Variants in CTNNA3 observed in about 807,000 individuals in gnomAD.
CTNNA3 encodes the protein catenin alpha-3.
Under a neutral mutation model 95.7 loss-of-function variants are expected in CTNNA3, and 76 were observed. That is an observed-to-expected ratio of 0.79 (90% confidence interval 0.66 to 0.96). The LOEUF (loss-of-function observed/expected upper bound fraction) is 0.96, where lower values mean the gene tolerates loss of function less well. CTNNA3 is among the 40% of genes least tolerant of loss of function. The probability of loss-of-function intolerance (pLI) is 0.00; values close to 1 mark genes in which losing one functional copy is unlikely to be tolerated. For synonymous variants in CTNNA3, 431 were observed against 374.4 expected (o/e 1.15, Z -1.74); for missense variants, 1,191 against 1,089.8 (o/e 1.09, Z -1.31).
chr10:67,088,387 A>AT (rs138342605), intron 7 of CTNNA3, among the ~76,000 whole-genome samples: 1 of 151,876 alleles, frequency 6.6e-6, no homozygotes, highest in Admixed American at 6.6e-5. Context: ...ATCCATATTT[A>AT]TTTTTTCTTG....
intron 5 of CTNNA3, among the ~76,000 whole-genome samples, chr10:67,331,366 A>G (rs1419581313): frequency 2.0e-5 from 3 of 152,246 alleles, no homozygotes; most frequent in African/African-American, 7.2e-5. Flanking sequence ...ACTTGCAGGC[A>G]GCAGGAAGTC....
Position 67,072,244 on chromosome 10 carries a change from A to G in CTNNA3, c.1047+108073T>C, listed in dbSNP as rs1418715865. Among the ~76,000 whole-genome samples, 16 of 152,284 alleles carry G rather than the reference A, an allele frequency of 1.1e-4. No homozygotes were observed. The South Asian group carries it at 3.1e-3, about 30-fold the overall frequency. ...GCTGGGATTATAGGCATAAGCCACC[A>G]TGCCCAACCTGTTTGATTATTTTCT... is the stretch of plus-strand genomic sequence containing the variant. On this transcript the variant is annotated intron_variant, in intron 7 of 17. Coordinates refer to ENST00000433211, the MANE Select transcript of CTNNA3 (RefSeq NM_013266.4).
rs1018695683 is a variant in CTNNA3, at chr10:65,920,152, T to C, written c.*178A>G. ...CTATTAGGTGCTGACCATACAGAAA[T>C]GACAGTGATATGATCCCAAATATAT... is the stretch of plus-strand genomic sequence containing the variant. On this transcript the variant is annotated 3_prime_UTR_variant, in exon 18 of 18. Transcript: ENST00000433211. The C allele has an allele frequency of 1.3e-5, 8 of 601,598 alleles. No homozygotes were observed. In the Admixed American group the frequency reaches 2.4e-4, roughly 18 times the overall value. The allele number at this position is 601,598 out of a possible 1,614,324, so 37.3% of individuals were successfully genotyped here.
intron 17 of CTNNA3, among the ~76,000 whole-genome samples, chr10:65,923,027 A>G (rs1212021065): frequency 6.6e-6 from 1 of 152,160 alleles, no homozygotes; most frequent in Admixed American, 6.5e-5. Flanking sequence ...AACTGCCTCC[A>G]TGATCCAGTC....
chr10:67,481,356 T>C (rs762235622), intron 5 of CTNNA3, among the ~76,000 whole-genome samples: 2 of 152,132 alleles, frequency 1.3e-5, no homozygotes, highest in Non-Finnish European at 2.9e-5. Flanking sequence ...TCACTGACAA[T>C]ATGATTCTGT....
intron 14 of CTNNA3, among the ~76,000 whole-genome samples, chr10:66,091,371 G>A (rs2081206760): frequency 6.6e-6 from 1 of 151,842 alleles, no homozygotes; most frequent in African/African-American, 2.4e-5. Flanking sequence ...TTGGATTCAA[G>A]TGCTGTATCT....
At chr10:67,683,609 A>C (rs1840669511) in intron 1 of CTNNA3, among the ~76,000 whole-genome samples, 1 of 152,188 alleles carries the variant, frequency 6.6e-6, no homozygotes, top group African/African-American at 2.4e-5. Context: ...CCTTCATCCC[A>C]ATTCTCTGCC....
intron 17 of CTNNA3, among the ~76,000 whole-genome samples, chr10:65,941,474 T>C (rs964056206): frequency 2.0e-5 from 3 of 152,198 alleles, no homozygotes; most frequent in Non-Finnish European, 4.4e-5. Context: ...CCTGGAATAT[T>C]TAAGCTACCC....
chr10:65,926,227 T>C (rs77457010), intron 17 of CTNNA3, among the ~76,000 whole-genome samples: 7,747 of 151,624 alleles, frequency 0.051, 363 homozygotes, highest in African/African-American at 0.12. Context: ...TTATCCATTC[T>C]ACTATTAATA....
chr10:67,512,076 GA>G (rs1451178479), intron 5 of CTNNA3, among the ~76,000 whole-genome samples: 1 of 151,878 alleles, frequency 6.6e-6, no homozygotes, highest in East Asian at 1.9e-4. Flanking sequence ...TCTCTAAATA[GA>G]AATTTTTCAA....
At chr10:67,712,349 GCCAAGTGTTAAGCC>G (rs553916546) in intron 1 of CTNNA3, among the ~76,000 whole-genome samples, 148 of 152,330 alleles carry the variant, frequency 9.7e-4, no homozygotes, top group African/African-American at 3.3e-3. Context: ...ATAATGAGGA[GCCAAGTGTTAAGCC>G]CCAAGACAAT....
intron 5 of CTNNA3, among the ~76,000 whole-genome samples, chr10:67,484,872 A>G (rs1848384536): frequency 6.6e-6 from 1 of 152,214 alleles, no homozygotes; most frequent in Admixed American, 6.5e-5. Flanking sequence ...GTTGGTAGGA[A>G]TGTAAATTAG....
chr10:67,120,010 A>C (rs1260823135), intron 7 of CTNNA3, among the ~76,000 whole-genome samples: 3 of 152,060 alleles, frequency 2.0e-5, no homozygotes, highest in African/African-American at 4.8e-5. Context: ...GCTCTAGATA[A>C]AGAGATTTGT....
Position 66,007,168 on chromosome 10 carries a change from A to AT in CTNNA3, c.2160-18372dup, listed in dbSNP as rs547563919. ...CAGCTAGTTTTCATGTTAATGTGTCATTTTTGCTGCTCTCAATTGATTTAC... is the reference window on the plus strand; with the variant it reads ...CAGCTAGTTTTCATGTTAATGTGTCATTTTTTGCTGCTCTCAATTGATTTAC... On this transcript the variant is annotated intron_variant, in intron 15 of 17. Transcript: ENST00000433211. 4.9e-4 allele frequency among the ~76,000 whole-genome samples: 75 copies of AT among 152,244 alleles called. 1 individual carries two copies. The Middle Eastern group carries it at 0.014, about 28-fold the overall frequency.
intron 7 of CTNNA3, among the ~76,000 whole-genome samples, chr10:66,969,259 A>C (rs1348498504): frequency 6.6e-6 from 1 of 152,152 alleles, no homozygotes; most frequent in African/African-American, 2.4e-5. Context: ...CAAATGTGAA[A>C]TGATACTGTA....
At chr10:66,255,391 A>G (rs981649814) in intron 13 of CTNNA3, among the ~76,000 whole-genome samples, 1 of 152,204 alleles carries the variant, frequency 6.6e-6, no homozygotes, top group African/African-American at 2.4e-5. Flanking sequence ...GCATTCTTAT[A>G]AAGTGGTCCC....
At chr10:66,894,943 G>T (rs956776459) in intron 7 of CTNNA3, among the ~76,000 whole-genome samples, 6 of 147,836 alleles carry the variant, frequency 4.1e-5, no homozygotes, top group Non-Finnish European at 8.9e-5. Context: ...TTTAGAAAAT[G>T]ATCAGAGCAT....
chr10:67,556,263 C>T (rs1225018698), intron 3 of CTNNA3, among the ~76,000 whole-genome samples: 1 of 152,122 alleles, frequency 6.6e-6, no homozygotes, highest in East Asian at 1.9e-4. Context: ...ATGATGCTGG[C>T]CTCATAAAAT....
chr10:67,241,527 T>G (rs7078205), intron 5 of CTNNA3, among the ~76,000 whole-genome samples: 47,077 of 152,040 alleles, frequency 0.31, 10,196 homozygotes, highest in African/African-American at 0.61. Flanking sequence ...AATAAATATT[T>G]TTATCCTTGC....
Sources: gnomAD v4.1 joint callset for allele counts (sites outside exome capture counted in the v4.1 genomes callset) on GRCh38, gnomAD v4.1.1 for gene constraint, MANE v1.5 for transcripts, NCBI Gene and HGNC (gene_info 2026-07-23, HGNC 2026-07-21) for gene names.